Variants in VRK3 observed in about 807,000 individuals in gnomAD.
VRK3 encodes VRK serine/threonine kinase 3, also known as serine/threonine-protein kinase VRK3.
VRK3 carries 50 observed loss-of-function variants against 60.4 expected under a neutral mutation model. The observed-to-expected ratio is 0.83, with a 90% CI of 0.66 to 1.05. VRK3 has a LOEUF of 1.05. Ranked by LOEUF, VRK3 falls within the 50% of genes least tolerant of loss-of-function variation. The pLI is 0.00. For missense variants in VRK3, 549 were observed against 585.3 expected (o/e 0.94, Z 0.64); for synonymous variants, 246 against 227.8 (o/e 1.08, Z -0.72).
chr19:49,995,270 T>C lies in VRK3; in HGVS notation c.685A>G (p.Lys229Glu). The change falls in exon 8 of 15, where the codon AAG becomes GAG. Residue 229 changes from lysine (K) to glutamate (E), a missense_variant. Coordinates refer to ENST00000316763, the MANE Select transcript of VRK3 (RefSeq NM_016440.4). ...GGGGTCGAGTACAGCTTCTTCCACT[T>C]GTTGACTGCGGAAAGCAGGGGCTTG... ...QRAAKPLQVN[K>E]WKKLYSTPLL... is the part of the protein sequence containing the mutation. 6.2e-7 allele frequency: 1 copy of C among 1,614,086 alleles called. No homozygotes were observed. The highest frequency in any genetic ancestry group is 8.5e-7 in the Non-Finnish European group (1 of 1,180,000).
intron 11 of VRK3, 145 bp from the exon 12 acceptor site, chr19:49,988,637 G>C: frequency 8.8e-7 from 1 of 1,133,482 alleles, no homozygotes; most frequent in Non-Finnish European, 1.2e-6. Flanking sequence ...TGTCTCCTCC[G>C]CTCATTCACT....
Position 49,994,900 on chromosome 19 carries a change from G to C in VRK3, c.784C>G (p.Leu262Val), listed in dbSNP as rs1438639585. Residue 262 changes from leucine (L) to valine (V), a missense_variant, in exon 9 of 15, where the codon CTG becomes GTG. Physicochemically the swap from Leu to Val is conservative, Grantham distance 32 (BLOSUM62 1). Coordinates refer to ENST00000316763, the MANE Select transcript of VRK3 (RefSeq NM_016440.4). The part of the protein sequence containing the change: ...DKYRFLVLPS[L>V]GRSLQSALDV... ...AGGGCCGACTGAAGGCTCCTCCCCA[G>C]GCTGGGTAACACCAAGAACCTGGAA... The C allele has an allele frequency of 1.2e-6, 2 of 1,614,108 alleles. No individual in the cohort carries two copies. The highest frequency in any genetic ancestry group is 3.3e-5 in the Admixed American group (2 of 59,998).
At chr19:50,012,963 C>T (rs1409938295) in intron 3 of VRK3, among the ~76,000 whole-genome samples, 3 of 151,764 alleles carry the variant, frequency 2.0e-5, no homozygotes, top group South Asian at 2.1e-4. Context: ...GTCAGGAGAT[C>T]GAGACCATCC....
Position 50,009,326 on chromosome 19 carries a change from T to G in VRK3, c.199A>C (p.Ser67Arg), listed in dbSNP as rs1221039020. 2 of 1,614,106 alleles carry G rather than the reference T, an allele frequency of 1.2e-6. No homozygotes were observed. The highest frequency in any genetic ancestry group is 3.3e-5 in the Admixed American group (2 of 60,002). The change falls in exon 4 of 15, where the codon AGC becomes CGC. Residue 67 changes from serine to arginine, a missense_variant. Coordinates refer to ENST00000316763, the MANE Select transcript of VRK3 (RefSeq NM_016440.4). ...GATAATCGGGGAGAGGTGACGGTGC[T>G]GGACCATTTCACTTTCTTAGGAGAG... ...ETSPKKVKWS[S>R]TVTSPRLSLF...
intron 1 of VRK3, among the ~76,000 whole-genome samples, chr19:50,022,310 C>T (rs1160665462): frequency 1.3e-5 from 2 of 152,198 alleles, no homozygotes; most frequent in Non-Finnish European, 2.9e-5. Flanking sequence ...AACCATGTGC[C>T]ACCCCCGGTT....
At chr19:49,988,594 C>T (rs774544942) in intron 11 of VRK3, 102 bp from the exon 12 acceptor site, 105 of 1,446,342 alleles carry the variant, frequency 7.3e-5, no homozygotes, top group Non-Finnish European at 9.0e-5. Flanking sequence ...CTCAACCACA[C>T]ACTCATACAC....
chr19:49,993,122 C>T (rs2076640709), intron 9 of VRK3, among the ~76,000 whole-genome samples, 170 bp from the exon 10 acceptor site: 1 of 152,192 alleles, frequency 6.6e-6, no homozygotes, highest in Admixed American at 6.5e-5. Flanking sequence ...GCTGTGACAG[C>T]ACATTGAGCA....
intron 5 of VRK3, among the ~76,000 whole-genome samples, chr19:50,005,961 C>G (rs2076883298): frequency 6.7e-6 from 1 of 148,874 alleles, no homozygotes; most frequent in African/African-American, 2.6e-5. Flanking sequence ...GCATAACACT[C>G]TGAATATCCT....
chr19:50,012,669 G>GT (rs1030909664), intron 3 of VRK3, among the ~76,000 whole-genome samples: 1 of 151,824 alleles, frequency 6.6e-6, no homozygotes, highest in African/African-American at 2.4e-5. Context: ...GAGGCCAGGA[G>GT]TTTAAGACCA....
intron 14 of VRK3, among the ~76,000 whole-genome samples, chr19:49,977,088 C>T (rs1453839170): frequency 6.6e-6 from 1 of 152,068 alleles, no homozygotes; most frequent in East Asian, 1.9e-4. Flanking sequence ...ATGGGGAAGG[C>T]CTCGGGTCTT....
intron 2 of VRK3, among the ~76,000 whole-genome samples, chr19:50,019,484 G>A (rs1354938934): frequency 6.6e-6 from 1 of 151,744 alleles, no homozygotes; most frequent in Non-Finnish European, 1.5e-5. Flanking sequence ...GCTTGTTGCT[G>A]AAGCCTAGCC....
intron 1 of VRK3, among the ~76,000 whole-genome samples, chr19:50,024,063 G>A (rs2077218629): frequency 6.6e-6 from 1 of 152,210 alleles, no homozygotes; most frequent in South Asian, 2.1e-4. Context: ...TCAACCTCCC[G>A]AGTAGCTGGG....
At chr19:49,980,355 T>C (rs1457566606) in intron 13 of VRK3, among the ~76,000 whole-genome samples, 1 of 152,166 alleles carries the variant, frequency 6.6e-6, no homozygotes, top group Non-Finnish European at 1.5e-5. Flanking sequence ...GCATGAAGGA[T>C]GGCCCCAGGG....
At chr19:50,002,765 G>C (rs1447389361) in intron 5 of VRK3, among the ~76,000 whole-genome samples, 3 of 152,170 alleles carry the variant, frequency 2.0e-5, no homozygotes, top group Non-Finnish European at 4.4e-5. Flanking sequence ...CACAAGCCCA[G>C]GGCTCTAGAC....
At chr19:50,017,469 G>A (rs2077096743) in intron 2 of VRK3, among the ~76,000 whole-genome samples, 1 of 150,652 alleles carries the variant, frequency 6.6e-6, no homozygotes, top group South Asian at 2.1e-4. Flanking sequence ...AGCTACTCGG[G>A]AGGCTGAGGC....
intron 7 of VRK3, among the ~76,000 whole-genome samples, chr19:49,995,551 A>T (rs1291343628): frequency 6.6e-6 from 1 of 152,138 alleles, no homozygotes; most frequent in Admixed American, 6.6e-5. Flanking sequence ...AGATGGGATA[A>T]TGACAGGGTT....
At chr19:50,021,725 G>A (rs1292292147) in intron 1 of VRK3, among the ~76,000 whole-genome samples, 1 of 152,210 alleles carries the variant, frequency 6.6e-6, no homozygotes, top group Non-Finnish European at 1.5e-5. Flanking sequence ...ATTGTGGGAC[G>A]ATTTGTTCTC....
intron 10 of VRK3, 117 bp downstream of exon 10, chr19:49,992,743 A>G: frequency 1.1e-6 from 1 of 896,206 alleles, no homozygotes; most frequent in Non-Finnish European, 1.7e-6. Flanking sequence ...AGCTCTTTAT[A>G]TATGATGGAC....
Position 50,016,099 on chromosome 19 carries a change from A to G in VRK3, c.64T>C (p.Cys22Arg), listed in dbSNP as rs1036733828. The change falls in exon 3 of 15, where the codon TGT (cysteine) becomes CGT (arginine). Residue 22 changes from cysteine (C) to arginine (R), a missense_variant. By Grantham distance (180) the Cys-to-Arg change is radical. Transcript: ENST00000316763. ...IQAAFKFCPY[C>R]GNSLPVEEHV... Reference sequence around the variant, plus strand: ...TCCTCTACAGGCAAAGAATTTCCACAGTAGGGGCAGAATTTGAATGCCGCT... The same window carrying G: ...TCCTCTACAGGCAAAGAATTTCCACGGTAGGGGCAGAATTTGAATGCCGCT... 5 of 1,614,114 alleles carry G rather than the reference A, an allele frequency of 3.1e-6. No homozygotes were observed. The African/African-American group carries it at 6.7e-5, about 22-fold the overall frequency.
Sources: allele counts gnomAD v4.1 joint callset (sites outside exome capture counted in the v4.1 genomes callset), GRCh38; gene constraint gnomAD v4.1.1; transcripts MANE v1.5; gene names NCBI Gene and HGNC (gene_info 2026-07-23, HGNC 2026-07-21).